Variants in SEMA3C observed in about 807,000 individuals in gnomAD.
SEMA3C encodes the protein semaphorin 3C.
Under a neutral mutation model 89.4 loss-of-function variants are expected in SEMA3C, and 47 were observed. That is an observed-to-expected ratio of 0.53 (90% CI 0.42 to 0.67). The LOEUF is 0.67. Among genes scored for constraint, SEMA3C ranks in the 30% least tolerant of loss-of-function variants. The pLI is 0.00. For synonymous variants in SEMA3C, 310 were observed against 320.2 expected (o/e 0.97, Z 0.34); for missense variants, 839 against 929.1 (o/e 0.90, Z 1.26).
At chr7:80,824,719 TCAGA>T (rs1789831895) in intron 4 of SEMA3C, among the ~76,000 whole-genome samples, 1 of 152,168 alleles carries the variant, frequency 6.6e-6, no homozygotes, top group Admixed American at 6.6e-5. Flanking sequence ...TGTGACTTAA[TCAGA>T]CAAAGACCAT....
At chr7:80,866,910 G>C (rs533269628) in intron 2 of SEMA3C, among the ~76,000 whole-genome samples, 9 of 152,232 alleles carry the variant, frequency 5.9e-5, no homozygotes, top group Non-Finnish European at 1.0e-4. Flanking sequence ...CTACATGTGC[G>C]TACAGAAAAT....
chr7:80,772,385 G>A (rs914907527), intron 12 of SEMA3C, among the ~76,000 whole-genome samples: 2 of 152,132 alleles, frequency 1.3e-5, no homozygotes, highest in Non-Finnish European at 2.9e-5. Flanking sequence ...TGTATGCCTT[G>A]TTACAAAAAA....
At chr7:80,787,244 T>C (rs1427428000) in intron 12 of SEMA3C, among the ~76,000 whole-genome samples, 1 of 151,594 alleles carries the variant, frequency 6.6e-6, no homozygotes, top group African/African-American at 2.4e-5. Context: ...ATACAAAAAT[T>C]AGCTGGGCAT....
intron 2 of SEMA3C, among the ~76,000 whole-genome samples, chr7:80,843,322 T>C (rs887547596): frequency 1.3e-5 from 2 of 152,184 alleles, no homozygotes; most frequent in Admixed American, 6.6e-5. Context: ...ACTCTATGTA[T>C]TATCTATCAA....
At chr7:80,902,908 G>A (rs906582224) in intron 2 of SEMA3C, among the ~76,000 whole-genome samples, 1 of 152,146 alleles carries the variant, frequency 6.6e-6, no homozygotes, top group African/African-American at 2.4e-5. Flanking sequence ...AGTACAAAGG[G>A]CAGAGACCTA....
At chr7:80,886,613 A>G (rs765532470) in intron 2 of SEMA3C, among the ~76,000 whole-genome samples, 1 of 152,140 alleles carries the variant, frequency 6.6e-6, no homozygotes, top group Non-Finnish European at 1.5e-5. Flanking sequence ...CAGCCTCCCA[A>G]AGTGCTGGGA....
intron 12 of SEMA3C, among the ~76,000 whole-genome samples, chr7:80,772,125 A>G (rs935469012): frequency 6.6e-6 from 1 of 152,220 alleles, no homozygotes; most frequent in African/African-American, 2.4e-5. Context: ...TGAATGCTTA[A>G]TAGAGATGAG....
chr7:80,905,189 T>C (rs1791976763), intron 2 of SEMA3C, among the ~76,000 whole-genome samples: 1 of 146,690 alleles, frequency 6.8e-6, no homozygotes, highest in African/African-American at 2.5e-5. Flanking sequence ...TTTTTTTTTT[T>C]TGAGGAGGTG....
At chr7:80,873,527 A>G (rs972673650) in intron 2 of SEMA3C, among the ~76,000 whole-genome samples, 2 of 152,120 alleles carry the variant, frequency 1.3e-5, no homozygotes, top group Non-Finnish European at 2.9e-5. Flanking sequence ...GCCCATTTCT[A>G]TGTGGGGCAA....
At chr7:80,813,574 T>C (rs1044264480) in intron 5 of SEMA3C, among the ~76,000 whole-genome samples, 3 of 152,252 alleles carry the variant, frequency 2.0e-5, no homozygotes, top group Admixed American at 1.3e-4. Context: ...ATATATCCAC[T>C]AATACATGAG....
intron 2 of SEMA3C, among the ~76,000 whole-genome samples, chr7:80,832,212 T>C (rs146623769): frequency 5.3e-5 from 8 of 152,230 alleles, no homozygotes; most frequent in African/African-American, 1.9e-4. Flanking sequence ...AGTTTGACAT[T>C]GTGAAGAGAG....
chr7:80,866,984 C>CACAGTCAAGA (rs1254946534), intron 2 of SEMA3C, among the ~76,000 whole-genome samples: 3 of 152,072 alleles, frequency 2.0e-5, no homozygotes, highest in Non-Finnish European at 4.4e-5. Flanking sequence ...GAAAGTTGAG[C>CACAGTCAAGA]AAGTTTTAGG....
At chr7:80,907,538 T>C (rs1401961680) in intron 2 of SEMA3C, among the ~76,000 whole-genome samples, 1 of 152,008 alleles carries the variant, frequency 6.6e-6, no homozygotes, top group Admixed American at 6.6e-5. Flanking sequence ...ACCAACAAAG[T>C]TGGAGGCTTT....
chr7:80,802,433 C>A (rs1413486469), intron 9 of SEMA3C, among the ~76,000 whole-genome samples: 1 of 152,096 alleles, frequency 6.6e-6, no homozygotes, highest in African/African-American at 2.4e-5. Flanking sequence ...CACATTCATT[C>A]ATATATTATG....
chr7:80,872,911 G>T, intron 2 of SEMA3C, among the ~76,000 whole-genome samples: 1 of 135,472 alleles, frequency 7.4e-6, no homozygotes, highest in Non-Finnish European at 1.6e-5. Flanking sequence ...ATACATTCAT[G>T]AGAATGAGAG....
chr7:80,865,945 A>G (rs1562913700), intron 2 of SEMA3C, among the ~76,000 whole-genome samples: 1 of 152,164 alleles, frequency 6.6e-6, no homozygotes, highest in Non-Finnish European at 1.5e-5. Context: ...ATTATAGTTA[A>G]CAACAGTAAA....
At chr7:80,750,426 A>G (rs1787897099) in intron 16 of SEMA3C, among the ~76,000 whole-genome samples, 1 of 116,240 alleles carries the variant, frequency 8.6e-6, no homozygotes, top group South Asian at 3.1e-4. Context: ...TTACCTACAT[A>G]CATACGTACA....
intron 2 of SEMA3C, among the ~76,000 whole-genome samples, chr7:80,832,241 G>A (rs1156988757): frequency 6.6e-6 from 1 of 152,154 alleles, no homozygotes; most frequent in Non-Finnish European, 1.5e-5. Context: ...TGGTGTCACA[G>A]TTCTGAGTTG....
intron 17 of SEMA3C, among the ~76,000 whole-genome samples, chr7:80,745,522 A>G (rs1008213466): frequency 1.3e-5 from 2 of 151,610 alleles, no homozygotes; most frequent in African/African-American, 4.8e-5. Flanking sequence ...AGGGGTATTG[A>G]ATCTAATAGA....
Sources: gnomAD v4.1 joint callset for allele counts (sites outside exome capture counted in the v4.1 genomes callset) on GRCh38, gnomAD v4.1.1 for gene constraint, MANE v1.5 for transcripts, NCBI Gene and HGNC (gene_info 2026-07-23, HGNC 2026-07-21) for gene names.